Variants in FIGN observed in about 807,000 individuals in gnomAD.
FIGN encodes the protein fidgetin.
In FIGN, 11 loss-of-function variants were observed where a neutral mutation model predicts 51.3. The observed-to-expected ratio is 0.21, with a 90% CI of 0.13 to 0.35. The LOEUF (loss-of-function observed/expected upper bound fraction) is 0.35. Among genes scored for constraint, FIGN ranks in the 10% least tolerant of loss-of-function variants. The probability of loss-of-function intolerance (pLI) is 1.00; values close to 1 mark genes in which losing one functional copy is unlikely to be tolerated. For missense variants in FIGN, 857 were observed against 943.6 expected, an observed-to-expected ratio of 0.91 and a Z score of 1.20; for synonymous variants, 407 against 363.2, an observed-to-expected ratio of 1.12 and a Z score of -1.37.
intron 2 of FIGN, among the ~76,000 whole-genome samples, chr2:163,724,923 T>C (rs1290317131): frequency 2.0e-5 from 3 of 152,210 alleles, no homozygotes; most frequent in Non-Finnish European, 4.4e-5. Flanking sequence ...TGATTCTTAA[T>C]AACTGATAAG....
At chr2:163,702,254 C>T (rs557240110) in intron 2 of FIGN, among the ~76,000 whole-genome samples, 18 of 152,252 alleles carry the variant, frequency 1.2e-4, no homozygotes, top group African/African-American at 2.2e-4. Context: ...CATTAAAACA[C>T]GGCCCCCATG....
At chr2:163,654,089 C>T (rs748948350) in intron 2 of FIGN, among the ~76,000 whole-genome samples, 8 of 151,898 alleles carry the variant, frequency 5.3e-5, no homozygotes, top group African/African-American at 1.2e-4. Context: ...TGAATAATCT[C>T]GAGGATTTGG....
intron 2 of FIGN, among the ~76,000 whole-genome samples, chr2:163,733,409 C>T (rs1237414872): frequency 6.6e-6 from 1 of 152,180 alleles, no homozygotes; most frequent in African/African-American, 2.4e-5. Flanking sequence ...GCTCTCAGCA[C>T]ATTGTCCGAG....
intron 2 of FIGN, among the ~76,000 whole-genome samples, chr2:163,614,885 A>G (rs1376369028): frequency 6.6e-6 from 1 of 152,164 alleles, no homozygotes; most frequent in African/African-American, 2.4e-5. Context: ...TTTCTTGTAA[A>G]TATATTATTC....
chr2:163,725,814 T>C (rs2105365980), intron 2 of FIGN, among the ~76,000 whole-genome samples: 1 of 152,254 alleles, frequency 6.6e-6, no homozygotes, highest in South Asian at 2.1e-4. Context: ...GCTTTCAATT[T>C]TTTTTGTAAT....
chr2:163,643,267 T>A (rs1166426447), intron 2 of FIGN, among the ~76,000 whole-genome samples: 1 of 152,142 alleles, frequency 6.6e-6, no homozygotes, highest in Non-Finnish European at 1.5e-5. Context: ...CATGAAGACT[T>A]CAATCGAGCA....
intron 2 of FIGN, among the ~76,000 whole-genome samples, chr2:163,673,138 T>C (rs1358923910): frequency 6.6e-6 from 1 of 152,048 alleles, no homozygotes; most frequent in Non-Finnish European, 1.5e-5. Flanking sequence ...GGGATGCCAG[T>C]AGGAAGCTTT....
At chr2:163,674,466 CTG>C (rs1160179371) in intron 2 of FIGN, among the ~76,000 whole-genome samples, 1 of 152,166 alleles carries the variant, frequency 6.6e-6, no homozygotes, top group Non-Finnish European at 1.5e-5. Flanking sequence ...AAAGATAATT[CTG>C]GTCTAAAGCT....
chr2:163,654,612 A>G (rs2105323466), intron 2 of FIGN, among the ~76,000 whole-genome samples: 1 of 152,314 alleles, frequency 6.6e-6, no homozygotes, highest in South Asian at 2.1e-4. Context: ...ATGTTTCTGT[A>G]AAGACGAAGG....
chr2:163,693,246 G>A (rs1174089361), intron 2 of FIGN, among the ~76,000 whole-genome samples: 1 of 152,048 alleles, frequency 6.6e-6, no homozygotes, highest in Non-Finnish European at 1.5e-5. Flanking sequence ...GTGTGTACCT[G>A]TGGTGTGTGT....
intron 2 of FIGN, among the ~76,000 whole-genome samples, chr2:163,655,820 G>T (rs1423395644): frequency 6.6e-6 from 1 of 151,740 alleles, no homozygotes; most frequent in African/African-American, 2.4e-5. Context: ...GAGAGAGAGA[G>T]AGAGAGAGCT....
At chr2:163,722,069 G>A (rs1489024484) in intron 2 of FIGN, among the ~76,000 whole-genome samples, 2 of 152,068 alleles carry the variant, frequency 1.3e-5, no homozygotes, top group South Asian at 2.1e-4. Flanking sequence ...ACCCTTCCAC[G>A]AGCACACAAA....
At chr2:163,673,037 A>G (rs1028511412) in intron 2 of FIGN, among the ~76,000 whole-genome samples, 2 of 152,170 alleles carry the variant, frequency 1.3e-5, no homozygotes, top group Non-Finnish European at 2.9e-5. Context: ...CTTTCTGATC[A>G]GAAAATGTAA....
chr2:163,684,652 T>C (rs1373160533), intron 2 of FIGN, among the ~76,000 whole-genome samples: 4 of 152,230 alleles, frequency 2.6e-5, no homozygotes, highest in African/African-American at 7.2e-5. Context: ...TCACTCAAAG[T>C]GATCACTTTC....
intron 2 of FIGN, among the ~76,000 whole-genome samples, chr2:163,714,899 A>G (rs2105358967): frequency 6.6e-6 from 1 of 152,106 alleles, no homozygotes; most frequent in East Asian, 1.9e-4. Flanking sequence ...TTATGCATAC[A>G]CTCTTTCTCC....
intron 2 of FIGN, among the ~76,000 whole-genome samples, chr2:163,628,952 G>C (rs965002889): frequency 6.6e-6 from 1 of 152,086 alleles, no homozygotes; most frequent in African/African-American, 2.4e-5. Context: ...CCCCCAAATT[G>C]CTACAATTTG....
intron 2 of FIGN, chr2:163,612,515 G>T (rs191840082): frequency 2.0e-6 from 2 of 985,006 alleles, no homozygotes; most frequent in East Asian, 1.1e-4. Context: ...CGCTTTCATC[G>T]CACAAAGCCT....
At chr2:163,693,241 T>C (rs1684265459) in intron 2 of FIGN, among the ~76,000 whole-genome samples, 1 of 152,092 alleles carries the variant, frequency 6.6e-6, no homozygotes, top group South Asian at 2.1e-4. Flanking sequence ...GGTGTGTGTG[T>C]ACCTGTGGTG....
chr2:163,725,142 A>G (rs1684820169), intron 2 of FIGN, among the ~76,000 whole-genome samples: 1 of 152,114 alleles, frequency 6.6e-6, no homozygotes, highest in Admixed American at 6.5e-5. Flanking sequence ...TTATCCTCTT[A>G]ATTAATTCAA....
Sources: allele counts gnomAD v4.1 joint callset (sites outside exome capture counted in the v4.1 genomes callset), GRCh38; gene constraint gnomAD v4.1.1; transcripts MANE v1.5; gene names NCBI Gene and HGNC (gene_info 2026-07-23, HGNC 2026-07-21).